ADGRL3: variants seen among roughly 807,000 people sequenced by gnomAD.
ADGRL3 encodes adhesion G protein-coupled receptor L3.
Under a neutral mutation model 153.5 loss-of-function variants are expected in ADGRL3, and 62 were observed. The observed-to-expected ratio is 0.40, with a 90% CI of 0.33 to 0.50. The LOEUF (loss-of-function observed/expected upper bound fraction) is 0.50, where lower values mean the gene tolerates loss of function less well. ADGRL3 is among the 20% of genes least tolerant of loss of function. The pLI, the probability that ADGRL3 is intolerant of heterozygous loss-of-function variation, is 0.47. For missense variants in ADGRL3, 1,641 were observed against 1,859.4 expected, an observed-to-expected ratio of 0.88 and a Z score of 2.16; for synonymous variants, 710 against 672.5, an observed-to-expected ratio of 1.06 and a Z score of -0.86.
rs558725951 is a variant in ADGRL3, at chr4:61,372,760, G to T, written c.-239-10364G>T. Among the ~76,000 whole-genome samples, 65 of 152,230 alleles carry T rather than the reference G, an allele frequency of 4.3e-4. 2 individuals carry two copies. The highest frequency in any genetic ancestry group is 1.5e-3 in the African/African-American group (64 of 41,554). On this transcript the variant is annotated intron_variant, in intron 1 of 26. Transcript: ENST00000683033. ...CTTGAGCTGTGGTGGGCTCCACCCA[G>T]TTCGAGCTTCCCGGCTGCTTTGTTT...
chr4:62,012,778 A>G (rs2099192586), intron 21 of ADGRL3, among the ~76,000 whole-genome samples: 1 of 152,176 alleles, frequency 6.6e-6, no homozygotes, highest in Non-Finnish European at 1.5e-5. Flanking sequence ...ATTTTAGATT[A>G]TGAACTATAA....
At chr4:62,026,892 T>C (rs1718942353) in intron 21 of ADGRL3, among the ~76,000 whole-genome samples, 2 of 152,100 alleles carry the variant, frequency 1.3e-5, no homozygotes, top group Non-Finnish European at 2.9e-5. Flanking sequence ...TTTTACTATC[T>C]ACATGTATCC....
intron 2 of ADGRL3, among the ~76,000 whole-genome samples, chr4:61,428,732 A>C (rs545684404): frequency 1.3e-5 from 2 of 152,254 alleles, no homozygotes; most frequent in South Asian, 4.1e-4. Context: ...ATGAATTAAT[A>C]TTTGTGAAAT....
intron 9 of ADGRL3, among the ~76,000 whole-genome samples, chr4:61,833,714 A>G (rs2097900108): frequency 6.6e-6 from 1 of 152,176 alleles, no homozygotes; most frequent in Admixed American, 6.5e-5. Flanking sequence ...CTAAACCACA[A>G]TTTCTAATCT....
intron 1 of ADGRL3, among the ~76,000 whole-genome samples, chr4:61,357,195 A>AATG (rs558235144): frequency 1.4e-4 from 22 of 152,116 alleles, no homozygotes; most frequent in Non-Finnish European, 2.6e-4. Flanking sequence ...TTACAGTATG[A>AATG]ATGTACTAAA....
chr4:61,852,320 T>TTTATC (rs2098215312), intron 9 of ADGRL3, among the ~76,000 whole-genome samples: 1 of 151,764 alleles, frequency 6.6e-6, no homozygotes. Context: ...TTTATTTTAT[T>TTTATC]TTATTATTTT....
rs368135572 is a variant in ADGRL3 at position 62,070,688 on chromosome 4, G to C, written c.4412G>C (p.Ser1471Thr). Residue 1471 changes from serine to threonine, a missense_variant, in exon 27 of 27, where the codon AGC (serine) becomes ACC (threonine). Physicochemically the swap from Ser to Thr is moderately conservative, Grantham distance 58. Coordinates refer to ENST00000683033, the MANE Select transcript of ADGRL3 (RefSeq NM_001387552.1). ...GVAATESVTTSTQTEPPPAKC... is the reference protein window; with the variant it reads ...GVAATESVTTTTQTEPPPAKC... ...GCCGCCACAGAGAGTGTTACCACCA[G>C]CACCCAGACCGAACCCCCACCGGCC... The C allele has an allele frequency of 2.1e-5, 32 of 1,551,272 alleles. No homozygotes were observed. The South Asian group carries it at 3.7e-4, about 18-fold the overall frequency.
intron 2 of ADGRL3, among the ~76,000 whole-genome samples, chr4:61,486,580 A>G (rs370909582): frequency 2.8e-4 from 42 of 152,318 alleles, no homozygotes; most frequent in African/African-American, 9.4e-4. Context: ...TAGAATTAGT[A>G]TGAGAAAGTC....
intron 8 of ADGRL3, among the ~76,000 whole-genome samples, chr4:61,747,296 C>T (rs2096678279): frequency 6.6e-6 from 1 of 150,630 alleles, no homozygotes; most frequent in Admixed American, 6.6e-5. Flanking sequence ...GGAACTGGTA[C>T]CATTCCTTCT....
intron 8 of ADGRL3, among the ~76,000 whole-genome samples, chr4:61,804,628 C>T (rs905548499): frequency 3.3e-5 from 5 of 152,112 alleles, no homozygotes; most frequent in Admixed American, 6.5e-5. Context: ...TAGTTTATTA[C>T]GACTCTGGTA....
Position 61,998,036 on chromosome 4 carries a change from G to C in ADGRL3, c.3304-138G>C, listed in dbSNP as rs1313894267. The C allele has an allele frequency of 6.8e-6, 3 of 438,154 alleles. No individual in the cohort carries two copies. The East Asian group carries it at 1.1e-4, about 15-fold the overall frequency. The allele number at this position is 438,154 out of a possible 1,614,324, so 27.1% of individuals were successfully genotyped here. On this transcript the variant is annotated intron_variant, in intron 20 of 26. Transcript: ENST00000683033. ...CTTATTGCCTTTACTAAAACACTAG[G>C]CAGTCATCTACGATCCAATTCCTTT...
intron 1 of ADGRL3, among the ~76,000 whole-genome samples, chr4:61,368,486 A>G (rs533843837): frequency 1.3e-5 from 2 of 152,146 alleles, no homozygotes; most frequent in Non-Finnish European, 2.9e-5. Context: ...TAAATGGGGA[A>G]TCCTTTCCCC....
chr4:61,815,602 G>T (rs975497930), intron 9 of ADGRL3, among the ~76,000 whole-genome samples: 4 of 152,200 alleles, frequency 2.6e-5, no homozygotes, highest in Non-Finnish European at 5.9e-5. Context: ...TTGATTAACT[G>T]CTTGGATGCT....
At chr4:61,556,229 G>A (rs2098765865) in intron 4 of ADGRL3, among the ~76,000 whole-genome samples, 1 of 152,150 alleles carries the variant, frequency 6.6e-6, no homozygotes, top group Non-Finnish European at 1.5e-5. Flanking sequence ...TGGGATTGTT[G>A]ATCTATTGGG....
At chr4:61,320,720 T>C (rs573958652) in intron 1 of ADGRL3, among the ~76,000 whole-genome samples, 1 of 152,320 alleles carries the variant, frequency 6.6e-6, no homozygotes, top group African/African-American at 2.4e-5. Context: ...ATTTGCCAAA[T>C]GCAAGTCTAG....
chr4:61,307,962 C>T (rs2094855839), intron 1 of ADGRL3, among the ~76,000 whole-genome samples: 1 of 152,126 alleles, frequency 6.6e-6, no homozygotes. Flanking sequence ...CGCTAGTTGC[C>T]TCACAAAGCA....
intron 1 of ADGRL3, among the ~76,000 whole-genome samples, chr4:61,261,372 C>T (rs1053732828): frequency 2.0e-5 from 3 of 151,986 alleles, no homozygotes; most frequent in African/African-American, 7.2e-5. Context: ...ACTTATGCTA[C>T]CTAATACAAG....
intron 1 of ADGRL3, among the ~76,000 whole-genome samples, chr4:61,350,343 G>GTTTTTT (rs34524532): frequency 7.8e-6 from 1 of 127,818 alleles, no homozygotes; most frequent in Non-Finnish European, 1.6e-5. Context: ...TCTGATGGAG[G>GTTTTTT]TTTTTTTTTT....
In ADGRL3 at chr4:61,652,813, T is replaced by C. The variant is rs541047945; in HGVS notation, c.474-24013T>C. 2.6e-5 allele frequency among the ~76,000 whole-genome samples: 4 copies of C among 152,312 alleles called. No homozygotes were observed. The East Asian group carries it at 5.8e-4, about 22-fold the overall frequency. ...GCTATTAATAGAATAATTAATGCTT[T>C]AATCAACTACTGAGCATTTGCTATA... On this transcript the variant is annotated intron_variant, in intron 5 of 26. Coordinates refer to ENST00000683033, the MANE Select transcript of ADGRL3 (RefSeq NM_001387552.1).
Sources: gnomAD v4.1 joint callset for allele counts (sites outside exome capture counted in the v4.1 genomes callset) on GRCh38, gnomAD v4.1.1 for gene constraint, MANE v1.5 for transcripts, NCBI Gene and HGNC (gene_info 2026-07-23, HGNC 2026-07-21) for gene names.